Variants in CYP11A1 observed in about 807,000 individuals in gnomAD.
The protein encoded by CYP11A1 is cholesterol side-chain cleavage enzyme, mitochondrial.
CYP11A1 carries 25 observed loss-of-function variants against 51.9 expected under a neutral mutation model. That is an observed-to-expected ratio of 0.48 (90% CI 0.35 to 0.67). CYP11A1 has a LOEUF of 0.67. Ranked by LOEUF, CYP11A1 falls within the 30% of genes least tolerant of loss-of-function variation. The probability of loss-of-function intolerance (pLI) is 0.00; values close to 1 mark genes in which losing one functional copy is unlikely to be tolerated. For synonymous variants in CYP11A1, 245 were observed against 262.1 expected, an observed-to-expected ratio of 0.93 and a Z score of 0.63; for missense variants, 578 against 680.9, an observed-to-expected ratio of 0.85 and a Z score of 1.68.
At position 74,343,052 on chromosome 15, in the gene CYP11A1, G is replaced by T; in HGVS notation, c.915C>A (p.Leu305=). 6.2e-7 allele frequency: 1 copy of T among 1,613,730 alleles called. No homozygotes were observed. Among genetic ancestry groups the T allele is most frequent in the East Asian group, 2.2e-5 (1 of 44,884 alleles). The change falls in exon 5 of 9, where the codon CTC becomes CTA. Residue 305 remains leucine, a synonymous_variant. Coordinates refer to ENST00000268053, the MANE Select transcript of CYP11A1 (RefSeq NM_000781.3). ...CGAAGGACATCTTGCTGTCTCCCAG[G>T]AGTCTGTAGAGGATGCCACGGTAAT... The part of the protein sequence containing the change: ...HHDYRGILYR[L]LGDSKMSFED...
intron 1 of CYP11A1, chr15:74,362,196 A>G (rs2060712037): frequency 1.9e-6 from 1 of 533,438 alleles, no homozygotes; most frequent in African/African-American, 1.9e-5. Flanking sequence ...GAGTTGAGTT[A>G]AAGTTTATGA....
intron 1 of CYP11A1, chr15:74,348,279 G>C: frequency 1.7e-6 from 1 of 577,334 alleles, no homozygotes; most frequent in South Asian, 2.0e-5. Flanking sequence ...ATATGGATGT[G>C]ACCTTTGTTA....
At chr15:74,352,263 T>G (rs2141240183) in intron 1 of CYP11A1, among the ~76,000 whole-genome samples, 1 of 132,080 alleles carries the variant, frequency 7.6e-6, no homozygotes, top group Non-Finnish European at 1.6e-5. Context: ...GTCTTTGCTA[T>G]CTTTTTTTTT....
At chr15:74,340,655 C>T (rs2060602363) in intron 5 of CYP11A1, among the ~76,000 whole-genome samples, 1 of 152,146 alleles carries the variant, frequency 6.6e-6, no homozygotes, top group Admixed American at 6.5e-5. Context: ...TTAATACTCA[C>T]AAACAAACCT....
chr15:74,343,552 G>A lies in CYP11A1; in HGVS notation c.829+237C>T, dbSNP rs573674997. Among the ~76,000 whole-genome samples the A allele has an allele frequency of 7.9e-5, 12 of 152,288 alleles. 1 individual carries two copies. In the South Asian group the frequency reaches 2.5e-3, roughly 32 times the overall value. On this transcript the variant is annotated intron_variant, in intron 4 of 8. Coordinates refer to ENST00000268053, the MANE Select transcript of CYP11A1 (RefSeq NM_000781.3). ...CCCTCTGGGGAGCATGAGCTCCTTT[G>A]AAGAAGATCACAGATGTCTTTGCTC...
rs577233231 is a variant in CYP11A1, at chr15:74,361,935, T to C, written c.269+5382A>G. 37 of 1,159,134 alleles carry C rather than the reference T, an allele frequency of 3.2e-5. No individual in the cohort carries two copies. The Middle Eastern group carries it at 5.8e-4, about 18-fold the overall frequency. 71.8% of individuals were successfully genotyped at this position (1,159,134 alleles called of 1,614,324 possible). A position where few individuals can be genotyped will look rare whatever the true frequency, so the allele number is the denominator to read the frequency against. ...GTGGTGGATGGCAAGCATGTGGTCTTTGGCAAGGTGAAAGAAGGCATGAAT... is the reference window on the plus strand; with the variant it reads ...GTGGTGGATGGCAAGCATGTGGTCTCTGGCAAGGTGAAAGAAGGCATGAAT... On this transcript the variant is annotated intron_variant, in intron 1 of 8. Transcript: ENST00000268053.
intron 1 of CYP11A1, chr15:74,366,232 C>A: frequency 1.0e-6 from 1 of 984,094 alleles, no homozygotes; most frequent in Non-Finnish European, 1.2e-6. Flanking sequence ...GACCACGCTG[C>A]GACCTTTTCA....
At chr15:74,341,076 T>C (rs2060604962) in intron 5 of CYP11A1, among the ~76,000 whole-genome samples, 2 of 152,206 alleles carry the variant, frequency 1.3e-5, no homozygotes, top group Admixed American at 6.5e-5. Context: ...TTAACTATGT[T>C]ACTAGCTGTG....
Position 74,339,758 on chromosome 15 carries a change from TG to T in CYP11A1, c.991-6del, listed in dbSNP as rs764953810. 1.2e-6 allele frequency: 2 copies of T among 1,614,038 alleles called. No homozygotes were observed. The highest frequency in any genetic ancestry group is 1.7e-6 in the Non-Finnish European group (2 of 1,180,004). On this transcript the variant is annotated splice_polypyrimidine_tract_variant and splice_region_variant and intron_variant, in intron 5 of 8. Coordinates refer to ENST00000268053, the MANE Select transcript of CYP11A1 (RefSeq NM_000781.3). ...CCACTGCAGGGTCATGGACGTCTGG[TG>T]GGGAGTAGGGTATACAGAAGACCAG...
chr15:74,367,229 G>A, intron 1 of CYP11A1, 88 bp downstream of exon 1: 1 of 1,435,846 alleles, frequency 7.0e-7, no homozygotes, highest in Non-Finnish European at 9.8e-7. Flanking sequence ...CCAGAGAACA[G>A]CCTGTTGGGG....
chr15:74,356,226 G>A (rs978806495), intron 1 of CYP11A1: 2 of 152,276 alleles, frequency 1.3e-5, no homozygotes, highest in Non-Finnish European at 2.9e-5. Flanking sequence ...TCTGGCCACT[G>A]GGCCAAGTAT....
intron 1 of CYP11A1, among the ~76,000 whole-genome samples, chr15:74,355,781 C>T (rs752987818): frequency 4.6e-5 from 7 of 152,162 alleles, no homozygotes; most frequent in Non-Finnish European, 7.3e-5. Flanking sequence ...TTTCTTTATC[C>T]GAACTCTCCC....
At chr15:74,361,600 TG>T in intron 1 of CYP11A1, 1 of 1,088,270 alleles carries the variant, frequency 9.2e-7, no homozygotes. Context: ...GGCGAGCCCT[TG>T]GGTCACGTCT....
At chr15:74,343,671 C>T in intron 4 of CYP11A1, 118 bp downstream of exon 4, 1 of 923,170 alleles carries the variant, frequency 1.1e-6, no homozygotes, top group South Asian at 1.3e-5. Flanking sequence ...CCACGCCTGC[C>T]CGCCACAGTG....
chr15:74,361,753 T>C (rs1405359144), intron 1 of CYP11A1: 4 of 1,261,326 alleles, frequency 3.2e-6, no homozygotes, highest in East Asian at 2.3e-5. Context: ...GGTGACTTCA[T>C]ATGCCATAAT....
chr15:74,367,605 C>CT lies in CYP11A1; in HGVS notation c.-21dup. ...CAGCATGCTGTCCCCACAGCTGTGA[C>CT]TGTACCTGCTCCACTTCAGCGGGGA... On this transcript the variant is annotated 5_prime_UTR_variant, in exon 1 of 9. Coordinates refer to ENST00000268053, the MANE Select transcript of CYP11A1 (RefSeq NM_000781.3). 6.2e-7 allele frequency: 1 copy of CT among 1,611,804 alleles called. No homozygotes were observed. Among genetic ancestry groups the CT allele is most frequent in the Non-Finnish European group, 8.5e-7 (1 of 1,179,394 alleles).
At chr15:74,340,427 G>A (rs1432898539) in intron 5 of CYP11A1, among the ~76,000 whole-genome samples, 1 of 152,160 alleles carries the variant, frequency 6.6e-6, no homozygotes, top group Admixed American at 6.5e-5. Context: ...AACCAGGCCC[G>A]TTTGGGACTC....
At chr15:74,351,167 G>GTT (rs202136761) in intron 1 of CYP11A1, among the ~76,000 whole-genome samples, 2 of 151,958 alleles carry the variant, frequency 1.3e-5, no homozygotes, top group African/African-American at 4.8e-5. Flanking sequence ...TCTTTTTTAT[G>GTT]TTTTTTTTCT....
At chr15:74,348,733 T>C (rs1596162495) in intron 1 of CYP11A1, among the ~76,000 whole-genome samples, 1 of 152,074 alleles carries the variant, frequency 6.6e-6, no homozygotes, top group African/African-American at 2.4e-5. Flanking sequence ...TACAACTGGG[T>C]TTTTGTTGTT....
Sources: allele counts gnomAD v4.1 joint callset (sites outside exome capture counted in the v4.1 genomes callset), GRCh38; gene constraint gnomAD v4.1.1; transcripts MANE v1.5; gene names NCBI Gene and HGNC (gene_info 2026-07-23, HGNC 2026-07-21).